PDZD2: variants seen among roughly 807,000 people sequenced by gnomAD.
The protein encoded by PDZD2 is PDZ domain containing 2.
Under a neutral mutation model 220.7 loss-of-function variants are expected in PDZD2, and 90 were observed. The ratio of observed to expected loss-of-function variants is 0.41; its 90% CI spans 0.34 to 0.49. The LOEUF is 0.49. Among genes scored for constraint, PDZD2 ranks in the 20% least tolerant of loss-of-function variants. The pLI, the probability that PDZD2 is intolerant of heterozygous loss-of-function variation, is 0.28. For missense variants in PDZD2, 3,174 were observed against 3,608.5 expected (o/e 0.88, Z 3.08); for synonymous variants, 1,375 against 1,450.5 (o/e 0.95, Z 1.18).
rs1744993450 is a variant in PDZD2, at chr5:32,108,270, A to G, written c.*135A>G. On this transcript the variant is annotated 3_prime_UTR_variant, in exon 25 of 25. Transcript: ENST00000438447. ...TAAAAATCTCCAAGCTTGTGCTTAC[A>G]CATGAAGCCTGACTTAACTGTATGT... The G allele has an allele frequency of 1.2e-5, 7 of 567,098 alleles. No individual in the cohort carries two copies. 35.1% of individuals were successfully genotyped at this position (567,098 alleles called of 1,614,324 possible).
At chr5:31,725,855 C>T (rs1377863705) in intron 1 of PDZD2, 38 of 781,610 alleles carry the variant, frequency 4.9e-5, no homozygotes, top group Middle Eastern at 3.5e-4. Context: ...GCTTCTGCTA[C>T]GCCGTGGTCT....
At chr5:32,003,356 A>C (rs1338622019) in intron 5 of PDZD2, among the ~76,000 whole-genome samples, 8 of 30,324 alleles carry the variant, frequency 2.6e-4, no homozygotes, top group Non-Finnish European at 4.6e-4. Flanking sequence ...CACACCACAC[A>C]CCACACCACA....
At position 32,069,613 on chromosome 5, in the gene PDZD2, T is replaced by C. The variant is rs374227997; in HGVS notation, c.2496T>C (p.Tyr832=). 1.2e-5 allele frequency: 19 copies of C among 1,598,422 alleles called. No individual in the cohort carries two copies. The highest frequency in any genetic ancestry group is 1.6e-4 in the Middle Eastern group (1 of 6,062). ...ATGAAGTCATAGCACGCAGCACTTA[T>C]CAGGAGAGCAAAGAGGCCAATTCCT... The part of the protein sequence containing the change: ...EMDEVIARST[Y]QESKEANSSP... Residue 832 remains tyrosine, a synonymous_variant, in exon 15 of 25, where the codon TAT becomes TAC. Transcript: ENST00000438447.
chr5:31,936,718 C>A (rs572558076), intron 2 of PDZD2, among the ~76,000 whole-genome samples: 32 of 152,296 alleles, frequency 2.1e-4, no homozygotes, highest in African/African-American at 7.7e-4. Context: ...TCAGGCTTGA[C>A]TGTGGCTCCA....
chr5:31,919,719 GA>G (rs1554006705), intron 2 of PDZD2, among the ~76,000 whole-genome samples: 2 of 33,220 alleles, frequency 6.0e-5, no homozygotes, highest in Non-Finnish European at 1.3e-4. Flanking sequence ...AAAAAAAAAG[GA>G]AAAAAAAAAA....
At position 31,794,463 on chromosome 5, in the gene PDZD2, C is replaced by T. The variant is rs545487857; in HGVS notation, c.-360-4426C>T. Among the ~76,000 whole-genome samples the T allele has an allele frequency of 5.6e-5, 8 of 141,918 alleles. No homozygotes were observed. In the South Asian group the frequency reaches 1.5e-3, roughly 27 times the overall value. The allele number at this position is 141,918 out of a possible 152,430, so 93.1% of individuals were successfully genotyped here. The stretch of plus-strand genomic sequence containing the variant: ...TCGCCCAGGCTGGAGTGCAGTGGCA[C>T]GATCTCGGCTCACTGCAAGCTCCGC... On this transcript the variant is annotated intron_variant, in intron 1 of 24. Transcript: ENST00000438447.
Position 31,974,037 on chromosome 5 carries a change from G to A in PDZD2, c.477-9118G>A, listed in dbSNP as rs183490790. ...ACTCCGTCACCCAGGCTGGAATGTA[G>A]TGGTGCCATCTTGGCGCTCTGCAGT... On this transcript the variant is annotated intron_variant, in intron 2 of 24. Coordinates refer to ENST00000438447, the MANE Select transcript of PDZD2 (RefSeq NM_178140.4). Among the ~76,000 whole-genome samples the A allele has an allele frequency of 1.6e-4, 24 of 152,320 alleles. No homozygotes were observed. The East Asian group carries it at 4.6e-3, about 29-fold the overall frequency.
Position 31,639,603 on chromosome 5 carries a change from G to A in PDZD2, c.-361+166G>A, listed in dbSNP as rs1744858714. ...GCGGGGAGTGAGGACGCCGAACCGG[G>A]GTCCCACGTTGGGCGGCGCAAACTC... On this transcript the variant is annotated intron_variant, in intron 1 of 24. Transcript: ENST00000438447. The surrounding 1 kb of genome is among the most constrained non-coding windows in gnomAD (Gnocchi z 4.1). 6.6e-6 allele frequency among the ~76,000 whole-genome samples: 1 copy of A among 152,188 alleles called. No individual in the cohort carries two copies. Among genetic ancestry groups the A allele is most frequent in the Non-Finnish European group, 1.5e-5 (1 of 68,018 alleles).
chr5:31,911,538 C>A (rs1743204850), intron 2 of PDZD2, among the ~76,000 whole-genome samples: 1 of 152,228 alleles, frequency 6.6e-6, no homozygotes, highest in African/African-American at 2.4e-5. Context: ...CTTCCCGCTT[C>A]CTTTCGTTTC....
At chr5:32,035,730 G>A (rs1472668811) in intron 6 of PDZD2, among the ~76,000 whole-genome samples, 1 of 152,114 alleles carries the variant, frequency 6.6e-6, no homozygotes, top group Admixed American at 6.5e-5. Context: ...TTGATAACTG[G>A]TAAGAGAAAA....
At chr5:31,772,462 C>T (rs1382911795) in intron 1 of PDZD2, among the ~76,000 whole-genome samples, 7 of 152,196 alleles carry the variant, frequency 4.6e-5, no homozygotes, top group African/African-American at 2.4e-5. Context: ...GGTGTGCTCT[C>T]GCCATTGCCC....
chr5:31,996,409 G>A (rs1341747315), intron 4 of PDZD2, among the ~76,000 whole-genome samples: 1 of 151,830 alleles, frequency 6.6e-6, no homozygotes, highest in Non-Finnish European at 1.5e-5. Flanking sequence ...GAGACCTGGT[G>A]TTTACAAAAA....
chr5:31,965,857 C>T (rs1748699715), intron 2 of PDZD2, among the ~76,000 whole-genome samples: 1 of 152,108 alleles, frequency 6.6e-6, no homozygotes, highest in Non-Finnish European at 1.5e-5. Flanking sequence ...CTGGATCGCA[C>T]CATTGCACTC....
chr5:31,754,253 C>T (rs1364250817), intron 1 of PDZD2: 2 of 152,226 alleles, frequency 1.3e-5, no homozygotes, highest in African/African-American at 4.8e-5. Context: ...AGCTGAGGGA[C>T]CTGTGCACCC....
At chr5:31,704,638 A>T (rs569247703) in intron 1 of PDZD2, among the ~76,000 whole-genome samples, 44 of 152,294 alleles carry the variant, frequency 2.9e-4, no homozygotes, top group African/African-American at 1.0e-3. Context: ...ATTACATGAA[A>T]TGTTTCTTTT....
At chr5:31,661,301 C>T (rs1378541359) in intron 1 of PDZD2, 3 of 152,178 alleles carry the variant, frequency 2.0e-5, no homozygotes, top group Admixed American at 2.0e-4. Flanking sequence ...GGGGAATTGG[C>T]TTGAGGTATA....
chr5:31,881,550 T>C (rs757700977), intron 2 of PDZD2, among the ~76,000 whole-genome samples: 20 of 150,922 alleles, frequency 1.3e-4, no homozygotes, highest in Non-Finnish European at 2.2e-4. Flanking sequence ...GCAAATTTTA[T>C]TGTATTTAGT....
intron 8 of PDZD2, among the ~76,000 whole-genome samples, chr5:32,049,821 G>T (rs776028315): frequency 6.6e-6 from 1 of 152,178 alleles, no homozygotes; most frequent in Non-Finnish European, 1.5e-5. Flanking sequence ...GAAAAAACTG[G>T]CATGGGACCA....
chr5:31,767,608 T>C (rs928273685), intron 1 of PDZD2, among the ~76,000 whole-genome samples: 2 of 152,254 alleles, frequency 1.3e-5, no homozygotes, highest in Non-Finnish European at 2.9e-5. Flanking sequence ...TTTGAGGTAA[T>C]TGACCCATTT....
Sources: allele counts gnomAD v4.1 joint callset (sites outside exome capture counted in the v4.1 genomes callset), GRCh38; gene constraint gnomAD v4.1.1; non-coding constraint Gnocchi (gnomAD v3.1); transcripts MANE v1.5; gene names NCBI Gene and HGNC (gene_info 2026-07-23, HGNC 2026-07-21).